NSMCE1: variants seen among roughly 807,000 people sequenced by gnomAD.
NSMCE1 encodes NSE1 component of SMC5/6 complex.
Under a neutral mutation model 29.6 loss-of-function variants are expected in NSMCE1, and 18 were observed. That is an observed-to-expected ratio of 0.61 (90% CI 0.42 to 0.90). NSMCE1 has a LOEUF of 0.90. Ranked by LOEUF, NSMCE1 falls within the 40% of genes least tolerant of loss-of-function variation. NSMCE1 has a pLI of 0.00. For missense variants in NSMCE1, 314 were observed against 343.6 expected (o/e 0.91, Z 0.68); for synonymous variants, 124 against 133.4 (o/e 0.93, Z 0.49).
chr16:27,246,987 G>A (rs2083965022), intron 2 of NSMCE1, among the ~76,000 whole-genome samples: 1 of 152,030 alleles, frequency 6.6e-6, no homozygotes, highest in African/African-American at 2.4e-5. Flanking sequence ...CTAATTAGGA[G>A]GAAGCTCCAG....
intron 6 of NSMCE1, 83 bp from the exon 7 acceptor site, chr16:27,225,929 G>A: frequency 6.5e-7 from 1 of 1,538,144 alleles, no homozygotes; most frequent in Middle Eastern, 1.7e-4. Context: ...CAAGGGAAAT[G>A]GGCAGCAGGT....
At chr16:27,262,176 G>A (rs1044670629) in intron 1 of NSMCE1, among the ~76,000 whole-genome samples, 3 of 151,770 alleles carry the variant, frequency 2.0e-5, no homozygotes, top group African/African-American at 4.8e-5. Context: ...CCTGGGAGGC[G>A]GGGGTTGCAG....
At chr16:27,264,370 C>G (rs2084196125) in intron 1 of NSMCE1, among the ~76,000 whole-genome samples, 1 of 151,806 alleles carries the variant, frequency 6.6e-6, no homozygotes, top group Non-Finnish European at 1.5e-5. Context: ...AAGATCCTGT[C>G]TAAAAACAAA....
chr16:27,263,904 T>C (rs1476191593), intron 1 of NSMCE1, among the ~76,000 whole-genome samples: 2 of 152,312 alleles, frequency 1.3e-5, no homozygotes, highest in Non-Finnish European at 1.5e-5. Context: ...CCCAATGCAA[T>C]TGAATCAATG....
rs1210470083 is a variant in NSMCE1 at position 27,225,103 on chromosome 16, G to A, written c.*54C>T. The A allele has an allele frequency of 8.1e-6, 8 of 990,014 alleles. No individual in the cohort carries two copies. Among genetic ancestry groups the A allele is most frequent in the Non-Finnish European group, 1.1e-5 (7 of 630,022 alleles). The allele number at this position is 990,014 out of a possible 1,614,324, so 61.3% of individuals were successfully genotyped here. On this transcript the variant is annotated 3_prime_UTR_variant, in exon 8 of 8. Coordinates refer to ENST00000361439, the MANE Select transcript of NSMCE1 (RefSeq NM_145080.4). Reference sequence around the variant, plus strand: ...ACACGGACGCCTTTCTTCCAAGAAGGGCTGTGGCGATCAGGCCACTCAAGG... The same window carrying A: ...ACACGGACGCCTTTCTTCCAAGAAGAGCTGTGGCGATCAGGCCACTCAAGG...
At chr16:27,246,849 T>C (rs763140535) in intron 2 of NSMCE1, among the ~76,000 whole-genome samples, 3 of 152,056 alleles carry the variant, frequency 2.0e-5, no homozygotes, top group Non-Finnish European at 4.4e-5. Flanking sequence ...ATTAATCACA[T>C]AGAAAAAGAG....
At chr16:27,243,991 C>T (rs1466331589) in intron 2 of NSMCE1, among the ~76,000 whole-genome samples, 2 of 152,206 alleles carry the variant, frequency 1.3e-5, no homozygotes. Context: ...AGACAACAAA[C>T]CAGAGAAAGC....
At chr16:27,262,795 A>T (rs927315580) in intron 1 of NSMCE1, among the ~76,000 whole-genome samples, 3 of 152,238 alleles carry the variant, frequency 2.0e-5, no homozygotes, top group African/African-American at 2.4e-5. Context: ...CTATCAACAG[A>T]GTAAACAGAC....
At chr16:27,226,414 C>A (rs2083692037) in intron 6 of NSMCE1, 1 of 349,754 alleles carries the variant, frequency 2.9e-6, no homozygotes, top group Non-Finnish European at 5.3e-6. Context: ...GAGACACTCA[C>A]TACAAAACTA....
intron 1 of NSMCE1, among the ~76,000 whole-genome samples, chr16:27,258,995 C>T (rs920981328): frequency 3.9e-5 from 6 of 152,128 alleles, no homozygotes; most frequent in Non-Finnish European, 7.4e-5. Context: ...GGCGATCCAC[C>T]TGCCTCAGCC....
chr16:27,255,165 C>T (rs1243252790), intron 2 of NSMCE1, among the ~76,000 whole-genome samples: 2 of 152,036 alleles, frequency 1.3e-5, no homozygotes, highest in Non-Finnish European at 2.9e-5. Context: ...CAGGTGTGAG[C>T]CACCACACCC....
At chr16:27,238,827 C>T (rs2083857275) in intron 2 of NSMCE1, among the ~76,000 whole-genome samples, 1 of 151,986 alleles carries the variant, frequency 6.6e-6, no homozygotes, top group African/African-American at 2.4e-5. Context: ...TGCACCTGGC[C>T]ACCAATGAGT....
intron 5 of NSMCE1, chr16:27,230,956 A>G (rs1230791472): frequency 6.6e-6 from 1 of 152,482 alleles, no homozygotes; most frequent in Non-Finnish European, 1.5e-5. Flanking sequence ...CCAAGGGCAG[A>G]CAAAGGGCAA....
At chr16:27,242,295 G>C (rs2083904116) in intron 2 of NSMCE1, among the ~76,000 whole-genome samples, 1 of 152,224 alleles carries the variant, frequency 6.6e-6, no homozygotes, top group Non-Finnish European at 1.5e-5. Context: ...TGACAGTAGA[G>C]AAGAAATAGG....
rs191429541 is a variant in NSMCE1 at position 27,249,863 on chromosome 16, C to T, written c.136+7572G>A. 5.9e-5 allele frequency among the ~76,000 whole-genome samples: 9 copies of T among 152,260 alleles called. No homozygotes were observed. The East Asian group carries it at 1.7e-3, about 29-fold the overall frequency. ...AGATCAATTTGGGGAGAATTGATAC[C>T]TTAACAATACTGAATTTCCCAGCCC... On this transcript the variant is annotated intron_variant, in intron 2 of 7. Transcript: ENST00000361439.
chr16:27,225,645 T>C (rs2083681115), intron 7 of NSMCE1, 81 bp downstream of exon 7: 2 of 1,563,818 alleles, frequency 1.3e-6, no homozygotes, highest in South Asian at 2.3e-5. Context: ...TTCAGGGCCC[T>C]GTCTCCAAGG....
chr16:27,233,084 C>T lies in NSMCE1; in HGVS notation c.400G>A (p.Asp134Asn). ...CTCATCTTCTTGCCTTTAAGTTGAT[C>T]AACCAGGTTCAATATGTTTGTGGAA... is the stretch of plus-strand genomic sequence containing the variant. ...ASSTNILNLV[D>N]QLKGKKMRKK... Residue 134 changes from aspartate (D) to asparagine (N), a missense_variant, in exon 5 of 8, where the codon GAT (aspartate) becomes AAT (asparagine). By Grantham distance (23) the Asp-to-Asn change is conservative. Coordinates refer to ENST00000361439, the MANE Select transcript of NSMCE1 (RefSeq NM_145080.4). 6.2e-7 allele frequency: 1 copy of T among 1,614,088 alleles called. No homozygotes were observed. The highest frequency in any genetic ancestry group is 2.2e-5 in the East Asian group (1 of 44,872).
At chr16:27,242,056 CAT>C (rs369305004) in intron 2 of NSMCE1, among the ~76,000 whole-genome samples, 1,612 of 152,286 alleles carry the variant, frequency 0.011, 17 homozygotes, top group Middle Eastern at 0.061. Flanking sequence ...CAGGTACAAA[CAT>C]AAATAAAACA....
rs887043637 is a variant in NSMCE1, at chr16:27,257,555, T to G, written c.16A>C (p.Arg6=). Residue 6 remains arginine (R), a synonymous_variant, in exon 2 of 8, where the codon AGG becomes CGG. Transcript: ENST00000361439. ...ACATCAGTCATGACGCCCATTCTCC[T>G]TGTGCTGCCCTGCATGTGGGAACGA... is the stretch of plus-strand genomic sequence containing the variant. MQGST[R]RMGVMTDVHR... The G allele has an allele frequency of 6.2e-7, 1 of 1,613,340 alleles. No homozygotes were observed. Among genetic ancestry groups the G allele is most frequent in the Non-Finnish European group, 8.5e-7 (1 of 1,179,606 alleles).
Sources: allele counts gnomAD v4.1 joint callset (sites outside exome capture counted in the v4.1 genomes callset), GRCh38; gene constraint gnomAD v4.1.1; transcripts MANE v1.5; gene names NCBI Gene and HGNC (gene_info 2026-07-23, HGNC 2026-07-21).